Variants in SECISBP2L observed in about 807,000 individuals in gnomAD.
SECISBP2L encodes selenocysteine insertion sequence-binding protein 2-like.
Under a neutral mutation model 114.7 loss-of-function variants are expected in SECISBP2L, and 43 were observed. The ratio of observed to expected loss-of-function variants is 0.38; its 90% confidence interval spans 0.29 to 0.48. The LOEUF (loss-of-function observed/expected upper bound fraction) is 0.48. SECISBP2L is among the 20% of genes least tolerant of loss of function. The pLI is 0.98. For missense variants in SECISBP2L, 1,136 were observed against 1,301.1 expected (o/e 0.87, Z 1.95); for synonymous variants, 451 against 439.7 (o/e 1.03, Z -0.32).
rs866107793 is a variant in SECISBP2L, at chr15:49,001,111, C to A, written c.2028-14G>T. 10 of 1,534,520 alleles carry A rather than the reference C, an allele frequency of 6.5e-6. No homozygotes were observed. Among genetic ancestry groups the A allele is most frequent in the African/African-American group, 2.8e-5 (2 of 71,994 alleles). Reference sequence around the variant, plus strand: ...TGATTACAATACCTGTAAAAAAAAACCAAAATGGGTAACTCCATCCTAATT... The same window carrying A: ...TGATTACAATACCTGTAAAAAAAAAACAAAATGGGTAACTCCATCCTAATT... On this transcript the variant is annotated splice_polypyrimidine_tract_variant and intron_variant, in intron 14 of 17. Coordinates refer to ENST00000559471, the MANE Select transcript of SECISBP2L (RefSeq NM_001193489.2).
intron 1 of SECISBP2L, among the ~76,000 whole-genome samples, chr15:49,043,388 T>C (rs1469802616): frequency 6.6e-6 from 1 of 152,146 alleles, no homozygotes; most frequent in Non-Finnish European, 1.5e-5. Context: ...AGTAATCTTA[T>C]AAATTCTTTT....
At chr15:49,016,466 A>G in intron 11 of SECISBP2L, 94 bp downstream of exon 11, 1 of 1,058,884 alleles carries the variant, frequency 9.4e-7, no homozygotes. Flanking sequence ...ATATATATAC[A>G]CATACATATA....
At chr15:49,003,752 C>A (rs1190692262) in intron 14 of SECISBP2L, among the ~76,000 whole-genome samples, 1 of 152,150 alleles carries the variant, frequency 6.6e-6, no homozygotes, top group East Asian at 1.9e-4. Context: ...TACTGATTGC[C>A]ATATGGTAAA....
At chr15:49,009,618 G>C (rs1227881333) in intron 13 of SECISBP2L, among the ~76,000 whole-genome samples, 1 of 151,758 alleles carries the variant, frequency 6.6e-6, no homozygotes, top group Non-Finnish European at 1.5e-5. Flanking sequence ...GCATGCCTGT[G>C]GTCCCAGCTA....
At chr15:49,038,540 AAG>A (rs1459245233) in intron 1 of SECISBP2L, among the ~76,000 whole-genome samples, 1 of 152,110 alleles carries the variant, frequency 6.6e-6, no homozygotes, top group Non-Finnish European at 1.5e-5. Context: ...ATTCTTAGCA[AAG>A]AGAGTTGTGA....
chr15:49,030,083 C>T (rs1461622458), intron 4 of SECISBP2L, among the ~76,000 whole-genome samples: 2 of 150,694 alleles, frequency 1.3e-5, no homozygotes, highest in Non-Finnish European at 3.0e-5. Flanking sequence ...TCTCTTTGAA[C>T]AAATTACAAG....
chr15:49,034,596 G>A (rs545964977), intron 3 of SECISBP2L, among the ~76,000 whole-genome samples: 30 of 150,918 alleles, frequency 2.0e-4, no homozygotes, highest in Non-Finnish European at 2.9e-4. Flanking sequence ...AAGTTGAAGC[G>A]ATCTAATGAA....
At position 48,991,658 on chromosome 15, in the gene SECISBP2L, G is replaced by A. The variant is rs1901979796; in HGVS notation, c.*586C>T. On this transcript the variant is annotated 3_prime_UTR_variant, in exon 18 of 18. Coordinates refer to ENST00000559471, the MANE Select transcript of SECISBP2L (RefSeq NM_001193489.2). ...TGGCTCCACTGCTAGCCGAAGTTTT[G>A]AAGGCTCTGTTTTAGCCCATCCCAA... is the stretch of plus-strand genomic sequence containing the variant. The A allele has an allele frequency of 6.6e-6, 1 of 152,404 alleles. No individual in the cohort carries two copies. The highest frequency in any genetic ancestry group is 1.5e-5 in the Non-Finnish European group (1 of 68,076). 9.4% of individuals were successfully genotyped at this position (152,404 alleles called of 1,614,324 possible).
chr15:49,035,632 A>T lies in SECISBP2L; in HGVS notation c.230T>A (p.Ile77Lys). 3 of 1,612,090 alleles carry T rather than the reference A, an allele frequency of 1.9e-6. No individual in the cohort carries two copies. The highest frequency in any genetic ancestry group is 2.5e-6 in the Non-Finnish European group (3 of 1,178,354). Residue 77 changes from isoleucine (I) to lysine (K), a missense_variant, in exon 3 of 18, where the codon ATA becomes AAA. Ile to Lys is a moderately radical substitution (Grantham distance 102). This residue lies in a region of SECISBP2L where 452 missense variants were observed against 452.3 expected (regional missense o/e 1.00). Transcript: ENST00000559471. Reference sequence around the variant, plus strand: ...GTTTGGATTGGGTTGTTGCCATCGTATATCATTGTTATATAAAGGAAACTG... The same window carrying T: ...GTTTGGATTGGGTTGTTGCCATCGTTTATCATTGTTATATAAAGGAAACTG... ...NRQFPLYNND[I>K]RWQQPNPNPT...
chr15:49,019,872 C>G (rs1299489456), intron 7 of SECISBP2L, among the ~76,000 whole-genome samples: 1 of 152,078 alleles, frequency 6.6e-6, no homozygotes, highest in Non-Finnish European at 1.5e-5. Flanking sequence ...GTGGCATATC[C>G]AGATCATAGT....
chr15:48,999,988 C>T lies in SECISBP2L; in HGVS notation c.2249-1G>A. On this transcript the variant is annotated splice_acceptor_variant, in intron 15 of 17. Coordinates refer to ENST00000559471, the MANE Select transcript of SECISBP2L (RefSeq NM_001193489.2). LOFTEE classifies it high-confidence loss of function. The stretch of plus-strand genomic sequence containing the variant: ...TTATAGAGAGCCTCATCCAGACCAC[C>T]TGAGAAAATCAACACATGCAGACGC... 6.2e-7 allele frequency: 1 copy of T among 1,613,276 alleles called. No homozygotes were observed. Among genetic ancestry groups the T allele is most frequent in the Non-Finnish European group, 8.5e-7 (1 of 1,179,514 alleles).
intron 14 of SECISBP2L, among the ~76,000 whole-genome samples, chr15:49,005,329 CA>C (rs113794682): frequency 1.3e-5 from 2 of 151,102 alleles, no homozygotes; most frequent in African/African-American, 4.9e-5. Context: ...GACTCCATCT[CA>C]AAAAAAAAGT....
chr15:49,035,415 C>T lies in SECISBP2L; in HGVS notation c.447G>A (p.Glu149=), dbSNP rs763331713. The T allele has an allele frequency of 5.0e-6, 8 of 1,614,102 alleles. No homozygotes were observed. The East Asian group carries it at 1.1e-4, about 22-fold the overall frequency. ...TVNAITTECT[E]RPSQLGQVFP... is the part of the protein sequence containing the mutation. ...AGACCTGTCCAAGCTGACTTGGACG[C>T]TCAGTGCATTCTGTGGTGATAGCAT... The change falls in exon 3 of 18, where the codon GAG becomes GAA. Residue 149 remains glutamate, a synonymous_variant. Transcript: ENST00000559471.
rs565570839 is a variant in SECISBP2L at position 49,034,412 on chromosome 15, ATTTC to A, written c.528+918_528+921del. ...AATTCTCTTGTGATTCAAAGCCTTC[ATTTC>A]TTTCTTTTTTTTTTTTTACTTAGTC... On this transcript the variant is annotated intron_variant, in intron 3 of 17. Coordinates refer to ENST00000559471, the MANE Select transcript of SECISBP2L (RefSeq NM_001193489.2). Among the ~76,000 whole-genome samples, 54 of 151,114 alleles carry A rather than the reference ATTTC, an allele frequency of 3.6e-4. No individual in the cohort carries two copies. In the South Asian group the frequency reaches 7.3e-3, roughly 20 times the overall value.
At chr15:49,002,484 G>T (rs1902232462) in intron 14 of SECISBP2L, among the ~76,000 whole-genome samples, 1 of 152,136 alleles carries the variant, frequency 6.6e-6, no homozygotes, top group Non-Finnish European at 1.5e-5. Flanking sequence ...TTTGGCTTTT[G>T]TTGCCATTGC....
At chr15:48,996,225 C>T in intron 17 of SECISBP2L, 142 bp downstream of exon 17, 1 of 726,292 alleles carries the variant, frequency 1.4e-6, no homozygotes, top group Non-Finnish European at 2.2e-6. Context: ...TTTTAATGAA[C>T]ATGTTTAATG....
At chr15:49,040,524 A>ATTTT (rs1489343303) in intron 1 of SECISBP2L, among the ~76,000 whole-genome samples, 13 of 71,124 alleles carry the variant, frequency 1.8e-4, no homozygotes, top group African/African-American at 2.4e-4. Context: ...ATCCCAAACT[A>ATTTT]TTCTTTTTTT....
Position 49,017,035 on chromosome 15 carries a change from C to A in SECISBP2L, c.1252-20G>T, listed in dbSNP as rs1419319689. 1.9e-6 allele frequency: 3 copies of A among 1,604,614 alleles called. No homozygotes were observed. The African/African-American group carries it at 4.0e-5, about 22-fold the overall frequency. On this transcript the variant is annotated intron_variant, in intron 9 of 17. Coordinates refer to ENST00000559471, the MANE Select transcript of SECISBP2L (RefSeq NM_001193489.2). ...ATCCAACTATGATAACCAGAAAAAA[C>A]ACATTTGTTAGTGATCCCATAAAAG... is the stretch of plus-strand genomic sequence containing the variant.
chr15:48,994,914 A>T (rs137963306), intron 17 of SECISBP2L, among the ~76,000 whole-genome samples: 6 of 151,938 alleles, frequency 3.9e-5, no homozygotes, highest in East Asian at 1.9e-4. Flanking sequence ...AAAAAATTTT[A>T]AAGGCACAAA....
Sources: allele counts gnomAD v4.1 joint callset (sites outside exome capture counted in the v4.1 genomes callset), GRCh38; gene constraint gnomAD v4.1.1; regional missense constraint gnomAD v4.1.1; transcripts MANE v1.5; gene names NCBI Gene and HGNC (gene_info 2026-07-23, HGNC 2026-07-21).